Variants in SUPT20H observed in about 807,000 individuals in gnomAD.
SUPT20H encodes the protein SPT20 homolog, SAGA complex component.
Under a neutral mutation model 122.8 loss-of-function variants are expected in SUPT20H, and 82 were observed. That is an observed-to-expected ratio of 0.67 (90% confidence interval 0.56 to 0.80). The LOEUF (loss-of-function observed/expected upper bound fraction) is 0.80. SUPT20H is among the 30% of genes least tolerant of loss of function. The pLI is 0.00. For synonymous variants in SUPT20H, 291 were observed against 313.0 expected (o/e 0.93, Z 0.74); for missense variants, 831 against 921.6 (o/e 0.90, Z 1.27).
intron 23 of SUPT20H, among the ~76,000 whole-genome samples, chr13:37,015,341 C>T (rs2060263536): frequency 6.6e-6 from 1 of 150,674 alleles, no homozygotes; most frequent in African/African-American, 2.4e-5. Context: ...GGCAAGGGAC[C>T]CAAACAGACT....
At position 37,059,621 on chromosome 13, in the gene SUPT20H, C is replaced by A. The variant is rs1333119588; in HGVS notation, c.-156G>T. 6.6e-6 allele frequency: 1 copy of A among 152,286 alleles called. No individual in the cohort carries two copies. The highest frequency in any genetic ancestry group is 1.5e-5 in the Non-Finnish European group (1 of 68,056). 9.4% of individuals were successfully genotyped at this position (152,286 alleles called of 1,614,324 possible). A position where few individuals can be genotyped will look rare whatever the true frequency, so the allele number is the denominator to read the frequency against. On this transcript the variant is annotated 5_prime_UTR_variant, in exon 1 of 26. Transcript: ENST00000350612. ...GCCGCCTGCTCGGCAGCAAAGCCCA[C>A]CCGCCCCGTCGGCGGCTCAGTGCTG...
intron 10 of SUPT20H, 94 bp downstream of exon 10, chr13:37,033,355 G>C: frequency 6.8e-7 from 1 of 1,460,702 alleles, no homozygotes; most frequent in East Asian, 2.4e-5. Flanking sequence ...CACCAAAATC[G>C]GAGCAACCAT....
chr13:37,027,469 C>T (rs1473634843), intron 14 of SUPT20H, among the ~76,000 whole-genome samples: 1 of 151,818 alleles, frequency 6.6e-6, no homozygotes, highest in African/African-American at 2.4e-5. Context: ...CTTTAAAATC[C>T]ACCTTTCTAC....
chr13:37,023,698 A>G (rs2061736141), intron 19 of SUPT20H: 1 of 171,050 alleles, frequency 5.8e-6, no homozygotes, highest in African/African-American at 2.4e-5. Flanking sequence ...TAAATATGCA[A>G]AATGATCCTA....
At chr13:37,052,879 A>G (rs760182743) in intron 1 of SUPT20H, among the ~76,000 whole-genome samples, 1 of 152,234 alleles carries the variant, frequency 6.6e-6, no homozygotes, top group Non-Finnish European at 1.5e-5. Context: ...ATGAACGGAC[A>G]CTTCTCAAAA....
At position 37,022,189 on chromosome 13, in the gene SUPT20H, G is replaced by A. The variant is rs2061544039; in HGVS notation, c.1592-109C>T. 6.2e-7 allele frequency: 1 copy of A among 1,609,060 alleles called. No individual in the cohort carries two copies. Among genetic ancestry groups the A allele is most frequent in the Non-Finnish European group, 8.5e-7 (1 of 1,177,440 alleles). ...AACTGAGTTAACAAAGTGGGCTGAG[G>A]GGTGAAGCCTGAATCTTGGGGAGTA... On this transcript the variant is annotated intron_variant, in intron 19 of 25. Coordinates refer to ENST00000350612, the MANE Select transcript of SUPT20H (RefSeq NM_001014286.3). This position sits in a 1 kb window ranked among gnomAD's most constrained non-coding sequence, Gnocchi z 4.5.
rs2061821470 is a variant in SUPT20H, at chr13:37,024,213, A to G, written c.1433-20T>C. ...AGTTACCTAGAAGAACATAAAAGTT[A>G]TTTCCTAAATTTATAATTCAAACTT... On this transcript the variant is annotated intron_variant, in intron 18 of 25. Transcript: ENST00000350612. The G allele has an allele frequency of 6.3e-7, 1 of 1,588,014 alleles. No homozygotes were observed.
chr13:37,020,004 G>A (rs191529779), intron 21 of SUPT20H, among the ~76,000 whole-genome samples: 3 of 152,068 alleles, frequency 2.0e-5, no homozygotes, highest in Admixed American at 1.3e-4. Context: ...TTCAATAAAG[G>A]GCCATCATGT....
rs140865150 is a variant in SUPT20H, at chr13:37,010,959, A to G, written c.2099-304T>C. The G allele has an allele frequency of 9.2e-4, 181 of 197,400 alleles. 1 individual carries two copies. The highest frequency in any genetic ancestry group is 4.0e-3 in the African/African-American group (172 of 43,400). 12.2% of individuals were successfully genotyped at this position (197,400 alleles called of 1,614,324 possible). On this transcript the variant is annotated intron_variant, in intron 24 of 25. Transcript: ENST00000350612. The stretch of plus-strand genomic sequence containing the variant: ...TTGATGCTATTTTGTTTAGAAGAGT[A>G]TATTATTTTTGAAATAAAACCAACA...
chr13:37,021,787 C>T (rs1369946201), intron 20 of SUPT20H, among the ~76,000 whole-genome samples, 185 bp from the exon 21 acceptor site: 2 of 151,822 alleles, frequency 1.3e-5, no homozygotes, highest in Non-Finnish European at 2.9e-5. Flanking sequence ...GATGAAGTAT[C>T]AAAAAACAAA....
chr13:37,015,480 T>TAA (rs111755282), intron 23 of SUPT20H, among the ~76,000 whole-genome samples: 5 of 126,024 alleles, frequency 4.0e-5, no homozygotes, highest in South Asian at 2.6e-4. Context: ...GAAGGCTGCT[T>TAA]AAAAAAAAAA....
Position 37,045,278 on chromosome 13 carries a change from A to G in SUPT20H, c.261T>C (p.Tyr87=), listed in dbSNP as rs201929094. Residue 87 remains tyrosine, a synonymous_variant, in exon 6 of 26, where the codon TAT becomes TAC. Coordinates refer to ENST00000350612, the MANE Select transcript of SUPT20H (RefSeq NM_001014286.3). ...CGTTTTTTCCCCTGAGCATCAGAGAATATCCCTCATTTCCTGGGTATAGAT... is the reference window on the plus strand; with the variant it reads ...CGTTTTTTCCCCTGAGCATCAGAGAGTATCCCTCATTTCCTGGGTATAGAT... ...VVNLYPGNEG[Y]SLMLRGKNGS... 2.4e-5 allele frequency: 39 copies of G among 1,613,792 alleles called. No individual in the cohort carries two copies. The East Asian group carries it at 8.7e-4, about 36-fold the overall frequency.
chr13:37,026,128 A>G, intron 16 of SUPT20H, 76 bp downstream of exon 16: 3 of 1,188,588 alleles, frequency 2.5e-6, no homozygotes, highest in Non-Finnish European at 3.6e-6. Context: ...TTTAACTCCT[A>G]GTATTCTCTA....
chr13:37,029,935 C>T, intron 12 of SUPT20H, 99 bp from the exon 13 acceptor site: 1 of 859,168 alleles, frequency 1.2e-6, no homozygotes, highest in Non-Finnish European at 1.7e-6. Context: ...AGTAACTCGA[C>T]AATACAATAT....
chr13:37,027,939 G>GT (rs950808828), intron 14 of SUPT20H, among the ~76,000 whole-genome samples: 2 of 152,110 alleles, frequency 1.3e-5, no homozygotes, highest in African/African-American at 4.8e-5. Flanking sequence ...TATACCATAG[G>GT]TTTTTTTATT....
chr13:37,035,169 T>C (rs959651011), intron 9 of SUPT20H, among the ~76,000 whole-genome samples: 144 of 152,332 alleles, frequency 9.5e-4, no homozygotes, highest in African/African-American at 3.1e-3. Context: ...ATTTAAAAAA[T>C]GTATTTTGTA....
rs550222327 is a variant in SUPT20H, at chr13:37,032,684, T to C, written c.707+765A>G. 5.3e-5 allele frequency among the ~76,000 whole-genome samples: 8 copies of C among 152,224 alleles called. No individual in the cohort carries two copies. In the East Asian group the frequency reaches 7.7e-4, roughly 15 times the overall value. On this transcript the variant is annotated intron_variant, in intron 10 of 25. Coordinates refer to ENST00000350612, the MANE Select transcript of SUPT20H (RefSeq NM_001014286.3). ...TGGGAGCCCCCAGACTTTTGGGGGT[T>C]TTATCTCCAGGAGCTCAAAGAGGTT...
At chr13:37,034,799 T>C (rs939866751) in intron 9 of SUPT20H, among the ~76,000 whole-genome samples, 1 of 152,196 alleles carries the variant, frequency 6.6e-6, no homozygotes, top group Non-Finnish European at 1.5e-5. Flanking sequence ...GACTCTCTTG[T>C]TGGGGGTTAA....
intron 13 of SUPT20H, among the ~76,000 whole-genome samples, chr13:37,028,974 T>A (rs1258807648): frequency 1.3e-5 from 2 of 151,704 alleles, no homozygotes; most frequent in African/African-American, 4.8e-5. Context: ...GATAAAACTT[T>A]CAAAAGCAGA....
Sources: gnomAD v4.1 joint callset for allele counts (sites outside exome capture counted in the v4.1 genomes callset) on GRCh38, gnomAD v4.1.1 for gene constraint, Gnocchi (gnomAD v3.1) non-coding constraint, MANE v1.5 for transcripts, NCBI Gene and HGNC (gene_info 2026-07-23, HGNC 2026-07-21) for gene names.